The following ARHGEF9 variants were observed in gnomAD, a reference collection of about 807,000 sequenced individuals.
ARHGEF9 encodes rho guanine nucleotide exchange factor 9.
A neutral mutation model predicts 41.3 loss-of-function variants in ARHGEF9; 2 were observed. The observed-to-expected ratio is 0.05, with a 90% CI of 0.02 to 0.15. The LOEUF (loss-of-function observed/expected upper bound fraction) is 0.15. Among genes scored for constraint, ARHGEF9 ranks in the 10% least tolerant of loss-of-function variants. The pLI is 1.00. For synonymous variants in ARHGEF9, 160 were observed against 154.4 expected, an observed-to-expected ratio of 1.04 and a Z score of -0.27; for missense variants, 225 against 424.7, an observed-to-expected ratio of 0.53 and a Z score of 4.13.
intron 1 of ARHGEF9, among the ~76,000 whole-genome samples, chrX:63,734,538 T>C (rs1437781500): frequency 8.9e-6 from 1 of 112,029 alleles, no homozygotes; most frequent in Non-Finnish European, 1.9e-5. Flanking sequence ...TGTCTTAATC[T>C]TTCTGGGACC....
intron 2 of ARHGEF9, chrX:63,709,090 A>T (rs2052743368): frequency 8.9e-6 from 1 of 112,120 alleles, no homozygotes; most frequent in African/African-American, 3.2e-5. Context: ...CAGACCAGAG[A>T]GCCATTATCA....
At chrX:63,658,689 T>G (rs781838047) in intron 7 of ARHGEF9, among the ~76,000 whole-genome samples, 11 of 111,940 alleles carry the variant, frequency 9.8e-5, no homozygotes, top group Admixed American at 2.8e-4. Context: ...TTTGATAAAC[T>G]TAAAGGAAAA....
chrX:63,644,771 T>C (rs1173387785), intron 8 of ARHGEF9, among the ~76,000 whole-genome samples: 2 of 108,148 alleles, frequency 1.8e-5, no homozygotes, highest in Non-Finnish European at 3.8e-5. Flanking sequence ...TATTTTTTTT[T>C]TTTTTGGAGG....
At chrX:63,703,863 G>A (rs782180010) in intron 3 of ARHGEF9, among the ~76,000 whole-genome samples, 3 of 111,678 alleles carry the variant, frequency 2.7e-5, no homozygotes, top group Admixed American at 9.5e-5. Flanking sequence ...AGCTGAGGAT[G>A]GGAGCCATGT....
chrX:63,777,736 T>C (rs1274090573), intron 1 of ARHGEF9, among the ~76,000 whole-genome samples: 2 of 112,600 alleles, frequency 1.8e-5, no homozygotes, highest in Middle Eastern at 4.2e-3. Flanking sequence ...ACAGGTCCCA[T>C]GCAAGTCCAG....
intron 1 of ARHGEF9, among the ~76,000 whole-genome samples, chrX:63,744,697 AGAG>A (rs1317034029): frequency 2.7e-5 from 3 of 111,786 alleles, no homozygotes; most frequent in Non-Finnish European, 5.7e-5. Flanking sequence ...AGACTGTTCA[AGAG>A]GAGTAGTTAA....
chrX:63,718,061 T>TA (rs1331165199), intron 2 of ARHGEF9, among the ~76,000 whole-genome samples: 9 of 111,230 alleles, frequency 8.1e-5, no homozygotes, highest in Admixed American at 7.6e-4. Context: ...TTCTGAAAAC[T>TA]AAAAAAAGAG....
intron 5 of ARHGEF9, among the ~76,000 whole-genome samples, chrX:63,676,283 G>A (rs1290814241): frequency 8.9e-6 from 1 of 112,173 alleles, no homozygotes; most frequent in Admixed American, 9.4e-5. Context: ...AAATATGTTA[G>A]AAAAGTCTTT....
intron 4 of ARHGEF9, among the ~76,000 whole-genome samples, chrX:63,688,805 G>C (rs1556378463): frequency 8.9e-6 from 1 of 111,927 alleles, no homozygotes; most frequent in East Asian, 2.8e-4. Flanking sequence ...ATTTATTAAG[G>C]GATAGGCAAT....
At chrX:63,653,661 T>C (rs2048693269) in intron 8 of ARHGEF9, among the ~76,000 whole-genome samples, 1 of 111,189 alleles carries the variant, frequency 9.0e-6, no homozygotes, top group Non-Finnish European at 1.9e-5. Context: ...ATGAGATAAG[T>C]ATGGAAAGAT....
At chrX:63,661,441 CAA>C (rs2049212111) in intron 7 of ARHGEF9, among the ~76,000 whole-genome samples, 1 of 111,224 alleles carries the variant, frequency 9.0e-6, no homozygotes, top group Non-Finnish European at 1.9e-5. Flanking sequence ...AGTAAATAGT[CAA>C]AGAGAAAAAA....
intron 8 of ARHGEF9, among the ~76,000 whole-genome samples, chrX:63,649,518 C>T (rs1556323707): frequency 9.0e-6 from 1 of 111,303 alleles, no homozygotes; most frequent in African/African-American, 3.3e-5. Flanking sequence ...CCTAACATCA[C>T]AATTAAAAGA....
chrX:63,681,507 G>A (rs2050621281), intron 4 of ARHGEF9, among the ~76,000 whole-genome samples: 2 of 111,091 alleles, frequency 1.8e-5, no homozygotes, highest in Non-Finnish European at 3.8e-5. Flanking sequence ...TAACAAATGG[G>A]TCAAAGAAAA....
At chrX:63,762,413 C>T (rs1174352663) in intron 1 of ARHGEF9, among the ~76,000 whole-genome samples, 2 of 111,164 alleles carry the variant, frequency 1.8e-5, no homozygotes, top group Non-Finnish European at 3.8e-5. Context: ...GATTATATGT[C>T]GGAGGGAGAC....
At position 63,635,507 on chromosome X, in the gene ARHGEF9, G is replaced by T; in HGVS notation, c.*2521C>A. 1 of 494,930 alleles carries T rather than the reference G, an allele frequency of 2.0e-6. No individual in the cohort carries two copies. Among genetic ancestry groups the T allele is most frequent in the Non-Finnish European group, 3.6e-6 (1 of 276,066 alleles). 40.8% of individuals were successfully genotyped at this position (494,930 alleles called of 1,213,427 possible). On this transcript the variant is annotated 3_prime_UTR_variant, in exon 10 of 10. Coordinates refer to ENST00000671741, the MANE Select transcript of ARHGEF9 (RefSeq NM_001353921.2). ...GGATACTGAACCCAGGTATTTAATT[G>T]GGCTCCCCTTGGGGCTGTTGGCCAC... is the stretch of plus-strand genomic sequence containing the variant.
At chrX:63,640,606 G>T (rs1179223457) in intron 9 of ARHGEF9, 5 of 111,967 alleles carry the variant, frequency 4.5e-5, no homozygotes, top group Non-Finnish European at 7.5e-5. Context: ...TAAAATGAAA[G>T]CAGCGTGAAA....
chrX:63,658,362 C>CAGAA (rs2049000054), intron 7 of ARHGEF9, among the ~76,000 whole-genome samples: 1 of 111,863 alleles, frequency 8.9e-6, no homozygotes. Context: ...GAACTCCAAT[C>CAGAA]AGAAAGAGTA....
At chrX:63,691,843 G>T (rs1385808240) in intron 4 of ARHGEF9, among the ~76,000 whole-genome samples, 1 of 111,392 alleles carries the variant, frequency 9.0e-6, no homozygotes, top group Non-Finnish European at 1.9e-5. Context: ...GCATGGTACT[G>T]AAGTAAAAAC....
chrX:63,728,416 C>T (rs1556418379), intron 1 of ARHGEF9, among the ~76,000 whole-genome samples: 2 of 112,036 alleles, frequency 1.8e-5, no homozygotes, highest in African/African-American at 6.5e-5. Context: ...CAATGCATAT[C>T]TTTCCAGCAG....
Sources: allele counts gnomAD v4.1 joint callset (sites outside exome capture counted in the v4.1 genomes callset), GRCh38; gene constraint gnomAD v4.1.1; transcripts MANE v1.5; gene names NCBI Gene and HGNC (gene_info 2026-07-23, HGNC 2026-07-21).